The following PICALM variants were observed in gnomAD, a reference collection of about 807,000 sequenced individuals.
PICALM encodes the protein phosphatidylinositol binding clathrin assembly protein.
A neutral mutation model predicts 80.5 loss-of-function variants in PICALM; 40 were observed. The observed-to-expected ratio is 0.50, with a 90% confidence interval of 0.39 to 0.65. PICALM has a LOEUF of 0.65. Ranked by LOEUF, PICALM falls within the 30% of genes least tolerant of loss-of-function variation. PICALM has a pLI of 0.00. For synonymous variants in PICALM, 288 were observed against 260.3 expected, an observed-to-expected ratio of 1.11 and a Z score of -1.02; for missense variants, 676 against 778.9, an observed-to-expected ratio of 0.87 and a Z score of 1.57.
chr11:86,014,540 A>C (rs993711391), intron 5 of PICALM, among the ~76,000 whole-genome samples: 11 of 152,232 alleles, frequency 7.2e-5, no homozygotes, highest in African/African-American at 1.2e-4. Flanking sequence ...TAAAATATTA[A>C]GTTGGCTATT....
intron 12 of PICALM, among the ~76,000 whole-genome samples, chr11:85,993,742 A>T (rs948070205): frequency 2.0e-5 from 3 of 152,124 alleles, no homozygotes; most frequent in African/African-American, 4.8e-5. Context: ...CACCTGGCGC[A>T]AAAGTTTAAT....
chr11:86,016,410 T>C (rs536455549), intron 4 of PICALM, among the ~76,000 whole-genome samples: 1 of 152,346 alleles, frequency 6.6e-6, no homozygotes, highest in South Asian at 2.1e-4. Flanking sequence ...TAAAAACTAT[T>C]TGACCTCATC....
At chr11:86,017,815 G>GA in intron 4 of PICALM, among the ~76,000 whole-genome samples, 1 of 152,122 alleles carries the variant, frequency 6.6e-6, no homozygotes. Flanking sequence ...CTTGTTTTTA[G>GA]AAAATATTCA....
intron 19 of PICALM, among the ~76,000 whole-genome samples, chr11:85,963,437 A>C (rs993785732): frequency 1.3e-5 from 2 of 152,356 alleles, no homozygotes; most frequent in East Asian, 3.9e-4. Flanking sequence ...AAATTCCCAC[A>C]GAGCCAAAAA....
chr11:85,990,221 T>C (rs1320849974), intron 13 of PICALM, 29 bp downstream of exon 13: 2 of 1,433,672 alleles, frequency 1.4e-6, no homozygotes, highest in East Asian at 2.3e-5. Context: ...TAAACATTGA[T>C]TGGAAAAAAA....
chr11:86,005,039 T>C (rs1187700455), intron 8 of PICALM, among the ~76,000 whole-genome samples: 1 of 152,244 alleles, frequency 6.6e-6, no homozygotes, highest in Non-Finnish European at 1.5e-5. Context: ...GGTACTGTGC[T>C]AGCTACCTTG....
intron 1 of PICALM, 70 bp downstream of exon 1, chr11:86,068,581 A>G: frequency 6.9e-7 from 1 of 1,450,252 alleles, no homozygotes; most frequent in East Asian, 2.4e-5. Context: ...GAAAGACAAG[A>G]GAGAGAGAGA....
At chr11:86,054,939 C>A (rs535207298) in intron 1 of PICALM, among the ~76,000 whole-genome samples, 1 of 152,172 alleles carries the variant, frequency 6.6e-6, no homozygotes, top group African/African-American at 2.4e-5. Context: ...GCCTGGCCCA[C>A]TCATCTTTAT....
At chr11:86,022,178 A>G (rs1211730378) in intron 4 of PICALM, among the ~76,000 whole-genome samples, 189 bp downstream of exon 4, 1 of 152,208 alleles carries the variant, frequency 6.6e-6, no homozygotes, top group Non-Finnish European at 1.5e-5. Flanking sequence ...TGATATCTCA[A>G]TAAAGGTGCT....
chr11:85,988,550 A>G (rs921798786), intron 13 of PICALM, among the ~76,000 whole-genome samples: 2 of 152,190 alleles, frequency 1.3e-5, no homozygotes, highest in Non-Finnish European at 2.9e-5. Flanking sequence ...AGTGACACAA[A>G]AAATTCTGAC....
intron 13 of PICALM, among the ~76,000 whole-genome samples, chr11:85,988,450 T>C (rs1020363105): frequency 1.3e-5 from 2 of 152,066 alleles, no homozygotes; most frequent in Non-Finnish European, 1.5e-5. Flanking sequence ...CCTGCATAAA[T>C]AAGTTGTAAA....
At chr11:86,008,989 GACTCTTCAT>G (rs2095338117) in intron 7 of PICALM, among the ~76,000 whole-genome samples, 1 of 150,804 alleles carries the variant, frequency 6.6e-6, no homozygotes, top group African/African-American at 2.4e-5. Context: ...TAAGGTAAGG[GACTCTTCAT>G]ATTTTTCTTA....
At chr11:86,035,935 G>A (rs554925588) in intron 1 of PICALM, among the ~76,000 whole-genome samples, 99 of 134,778 alleles carry the variant, frequency 7.3e-4, no homozygotes, top group African/African-American at 2.7e-3. Flanking sequence ...CCTACAGAGC[G>A]AGACTCTGCC....
intron 1 of PICALM, among the ~76,000 whole-genome samples, chr11:86,054,952 T>C (rs939936437): frequency 6.6e-6 from 1 of 152,112 alleles, no homozygotes; most frequent in Non-Finnish European, 1.5e-5. Context: ...ATCTTTATAA[T>C]ATTTTCTGGA....
intron 12 of PICALM, among the ~76,000 whole-genome samples, chr11:85,993,034 C>G (rs182154515): frequency 6.6e-6 from 1 of 151,842 alleles, no homozygotes; most frequent in East Asian, 1.9e-4. Context: ...AATAATAACG[C>G]TCCAGCTATT....
At position 85,983,950 on chromosome 11, in the gene PICALM, G is replaced by T. The variant is rs752710899; in HGVS notation, c.1432C>A (p.Gln478Lys). Residue 478 changes from glutamine (Q) to lysine (K), a missense_variant, in exon 14 of 20, where the codon CAG becomes AAG. This residue lies in a region of PICALM where 391 missense variants were observed against 383.6 expected (regional missense o/e 1.02). Transcript: ENST00000393346. ...FVGFTPSPVA[Q>K]PHPSAGLNVD... The stretch of plus-strand genomic sequence containing the variant: ...TTAAGGCCAGCTGAAGGGTGTGGCT[G>T]TGCAACTGGAGAAGGAGTGAATCCT... The T allele has an allele frequency of 1.8e-5, 29 of 1,592,504 alleles. No homozygotes were observed. Among genetic ancestry groups the T allele is most frequent in the Non-Finnish European group, 2.4e-5 (28 of 1,162,428 alleles).
At chr11:86,029,171 C>A (rs2095705629) in intron 2 of PICALM, among the ~76,000 whole-genome samples, 1 of 152,032 alleles carries the variant, frequency 6.6e-6, no homozygotes, top group South Asian at 2.1e-4. Flanking sequence ...TGTTTTGAAG[C>A]AGCCCTGGCC....
chr11:86,013,563 T>TA (rs916363134), intron 5 of PICALM, among the ~76,000 whole-genome samples: 4 of 151,636 alleles, frequency 2.6e-5, no homozygotes, highest in Admixed American at 6.6e-5. Context: ...CTGTTTAGGA[T>TA]AAAAAAACAG....
chr11:86,009,292 CAAAAAAAAAAAAAAAAAA>C lies in PICALM; in HGVS notation c.765+1720_766-1710del, dbSNP rs10557244. On this transcript the variant is annotated intron_variant, in intron 7 of 19. Coordinates refer to ENST00000393346, the MANE Select transcript of PICALM (RefSeq NM_007166.4). ...TGGGTGACACAGCAAGTCTCTGTCT[CAAAAAAAAAAAAAAAAAA>C]AAAAAAAAAAAAAGTCATATATAGC... 8.9e-4 allele frequency among the ~76,000 whole-genome samples: 37 copies of C among 41,640 alleles called. 1 individual carries two copies. Among genetic ancestry groups the C allele is most frequent in the East Asian group, 1.0e-3 (1 of 976 alleles). The allele number at this position is 41,640 out of a possible 152,430, so 27.3% of individuals were successfully genotyped here. A position where few individuals can be genotyped will look rare whatever the true frequency, so the allele number is the denominator to read the frequency against.
Sources: allele counts gnomAD v4.1 joint callset (sites outside exome capture counted in the v4.1 genomes callset), GRCh38; gene constraint gnomAD v4.1.1; regional missense constraint gnomAD v4.1.1; transcripts MANE v1.5; gene names NCBI Gene and HGNC (gene_info 2026-07-23, HGNC 2026-07-21).